The following RNF169 variants were observed in gnomAD, a reference collection of about 807,000 sequenced individuals.
The protein encoded by RNF169 is ring finger protein 169.
Under a neutral mutation model 53.9 loss-of-function variants are expected in RNF169, and 24 were observed. The ratio of observed to expected loss-of-function variants is 0.45; its 90% CI spans 0.32 to 0.63. The LOEUF (loss-of-function observed/expected upper bound fraction) is 0.63. Among genes scored for constraint, RNF169 ranks in the 20% least tolerant of loss-of-function variants. The pLI is 0.04. For missense variants in RNF169, 883 were observed against 906.2 expected (o/e 0.97, Z 0.33); for synonymous variants, 396 against 363.5 (o/e 1.09, Z -1.02).
At chr11:74,813,831 C>G (rs940624795) in intron 3 of RNF169, among the ~76,000 whole-genome samples, 1 of 152,124 alleles carries the variant, frequency 6.6e-6, no homozygotes, top group Admixed American at 6.5e-5. Flanking sequence ...GCTGGGACTA[C>G]AGGCACGTGC....
chr11:74,811,957 C>T (rs891673512), intron 3 of RNF169, among the ~76,000 whole-genome samples: 2 of 152,210 alleles, frequency 1.3e-5, no homozygotes, highest in Non-Finnish European at 2.9e-5. Flanking sequence ...TTAGGGTCCT[C>T]AGGCAGAACA....
At chr11:74,830,745 C>T (rs529403486) in intron 4 of RNF169, 10 of 152,108 alleles carry the variant, frequency 6.6e-5, no homozygotes, top group South Asian at 4.1e-4. Context: ...AAGATCTCTT[C>T]GGAATATAGA....
At chr11:74,750,327 A>G (rs2034867251) in intron 1 of RNF169, among the ~76,000 whole-genome samples, 1 of 152,204 alleles carries the variant, frequency 6.6e-6, no homozygotes. Flanking sequence ...TGAGATTTTC[A>G]AGAAACATAA....
At chr11:74,828,824 A>AT (rs1200911421) in intron 4 of RNF169, among the ~76,000 whole-genome samples, 1 of 152,188 alleles carries the variant, frequency 6.6e-6, no homozygotes, top group East Asian at 1.9e-4. Flanking sequence ...CTTACACCAT[A>AT]TAAAAAATAA....
chr11:74,819,790 C>T (rs766213370), intron 4 of RNF169, among the ~76,000 whole-genome samples: 5 of 152,034 alleles, frequency 3.3e-5, no homozygotes, highest in Non-Finnish European at 7.4e-5. Flanking sequence ...TTTTAGCCTT[C>T]GAATGCTTTA....
At chr11:74,770,368 A>C (rs1185458391) in intron 1 of RNF169, among the ~76,000 whole-genome samples, 1 of 152,214 alleles carries the variant, frequency 6.6e-6, no homozygotes, top group Non-Finnish European at 1.5e-5. Context: ...TATTTATCTC[A>C]TCTTGGTAGA....
chr11:74,749,721 A>C (rs1006472457), intron 1 of RNF169, among the ~76,000 whole-genome samples: 1 of 151,876 alleles, frequency 6.6e-6, no homozygotes, highest in Non-Finnish European at 1.5e-5. Flanking sequence ...TGCTTGGTTT[A>C]ATGTTGGATG....
rs2036285108 is a variant in RNF169 at position 74,838,153 on chromosome 11, C to A, written c.*1423C>A. The A allele has an allele frequency of 1.3e-5, 2 of 152,204 alleles. No homozygotes were observed. The highest frequency in any genetic ancestry group is 6.5e-5 in the Admixed American group (1 of 15,278). 9.4% of individuals were successfully genotyped at this position (152,204 alleles called of 1,614,324 possible). A position where few individuals can be genotyped will look rare whatever the true frequency, so the allele number is the denominator to read the frequency against. On this transcript the variant is annotated 3_prime_UTR_variant, in exon 6 of 6. Transcript: ENST00000299563. ...ACTAGAAACACTGACTCCCAAAATG[C>A]TAGAACTGGAAGGGACCTTAATGGT...
chr11:74,753,846 T>C (rs1183751671), intron 1 of RNF169, among the ~76,000 whole-genome samples: 1 of 152,242 alleles, frequency 6.6e-6, no homozygotes, highest in Non-Finnish European at 1.5e-5. Context: ...TTGCCTGCTT[T>C]TTTGGCAAGC....
intron 1 of RNF169, among the ~76,000 whole-genome samples, chr11:74,763,372 A>G (rs1228412828): frequency 1.3e-5 from 2 of 152,218 alleles, no homozygotes; most frequent in Non-Finnish European, 2.9e-5. Flanking sequence ...AGATAGAACA[A>G]GCAGGAGGAT....
intron 2 of RNF169, among the ~76,000 whole-genome samples, chr11:74,800,453 T>G (rs1375007034): frequency 6.6e-6 from 1 of 152,238 alleles, no homozygotes; most frequent in Non-Finnish European, 1.5e-5. Flanking sequence ...ATCCTGGCTC[T>G]GCCACTTAAT....
At chr11:74,786,363 G>A (rs2035503127) in intron 1 of RNF169, among the ~76,000 whole-genome samples, 2 of 151,818 alleles carry the variant, frequency 1.3e-5, no homozygotes, top group African/African-American at 4.8e-5. Flanking sequence ...CTCCTGAGTA[G>A]CTGGGACTAT....
At chr11:74,754,887 C>G (rs1399720170) in intron 1 of RNF169, among the ~76,000 whole-genome samples, 1 of 152,198 alleles carries the variant, frequency 6.6e-6, no homozygotes, top group Non-Finnish European at 1.5e-5. Context: ...CTTATCCCTT[C>G]TCATCCCATC....
chr11:74,791,021 GAA>G (rs2035571275), intron 2 of RNF169, among the ~76,000 whole-genome samples: 1 of 152,234 alleles, frequency 6.6e-6, no homozygotes, highest in Non-Finnish European at 1.5e-5. Flanking sequence ...TGTCCAGAAA[GAA>G]AGAGGTACGT....
At chr11:74,756,062 G>A (rs1007166239) in intron 1 of RNF169, among the ~76,000 whole-genome samples, 1 of 152,110 alleles carries the variant, frequency 6.6e-6, no homozygotes, top group African/African-American at 2.4e-5. Context: ...TCAGGCAAGC[G>A]ACGAAGAGGG....
intron 4 of RNF169, chr11:74,831,546 T>C (rs2135148592): frequency 6.6e-6 from 1 of 152,276 alleles, no homozygotes; most frequent in South Asian, 2.1e-4. Flanking sequence ...AGACATAATA[T>C]TGTTAAGATG....
intron 1 of RNF169, among the ~76,000 whole-genome samples, chr11:74,767,598 C>G (rs2035193407): frequency 6.6e-6 from 1 of 151,932 alleles, no homozygotes; most frequent in South Asian, 2.1e-4. Flanking sequence ...GAGATGGAGT[C>G]TCGCTCTGTC....
At position 74,836,640 on chromosome 11, in the gene RNF169, G is replaced by A; in HGVS notation, c.2037G>A (p.Met679Ile). 1 of 1,614,064 alleles carries A rather than the reference G, an allele frequency of 6.2e-7. No homozygotes were observed. Among genetic ancestry groups the A allele is most frequent in the South Asian group, 1.1e-5 (1 of 91,088 alleles). Residue 679 changes from methionine to isoleucine, a missense_variant, in exon 6 of 6, where the codon ATG (methionine) becomes ATA (isoleucine). Met to Ile is a conservative substitution (Grantham distance 10). Around this residue, in one of 3 missense-constraint regions of RNF169, gnomAD observed 351 missense variants for 337.3 expected, o/e 1.04. Coordinates refer to ENST00000299563, the MANE Select transcript of RNF169 (RefSeq NM_001098638.2). ...AGTTGGCTCTGCAGTTGCAGCGCAT[G>A]TTCGACAATGAGAGGCGGACTGTGA... is the stretch of plus-strand genomic sequence containing the variant. ...DRQLALQLQR[M>I]FDNERRTVSR...
At chr11:74,809,792 C>T (rs901529629) in intron 2 of RNF169, among the ~76,000 whole-genome samples, 1 of 152,222 alleles carries the variant, frequency 6.6e-6, no homozygotes, top group Non-Finnish European at 1.5e-5. Flanking sequence ...AGGCCTCGTC[C>T]AGCTTCTCTG....
Sources: allele counts gnomAD v4.1 joint callset (sites outside exome capture counted in the v4.1 genomes callset), GRCh38; gene constraint gnomAD v4.1.1; regional missense constraint gnomAD v4.1.1; transcripts MANE v1.5; gene names NCBI Gene and HGNC (gene_info 2026-07-23, HGNC 2026-07-21).